TRPS1: variants seen among roughly 807,000 people sequenced by gnomAD.
The protein encoded by TRPS1 is zinc finger transcription factor Trps1.
In TRPS1, 6 loss-of-function variants were observed where a neutral mutation model predicts 101.2. The observed-to-expected ratio is 0.06, with a 90% CI of 0.03 to 0.12. TRPS1 has a LOEUF of 0.12. TRPS1 is among the 10% of genes least tolerant of loss of function. The pLI is 1.00. For missense variants in TRPS1, 1,363 were observed against 1,567.0 expected, an observed-to-expected ratio of 0.87 and a Z score of 2.20; for synonymous variants, 578 against 589.8, an observed-to-expected ratio of 0.98 and a Z score of 0.29.
intron 5 of TRPS1, among the ~76,000 whole-genome samples, chr8:115,420,188 T>C (rs889675928): frequency 2.6e-5 from 4 of 152,188 alleles, no homozygotes; most frequent in South Asian, 4.1e-4. Context: ...GAATGTATCA[T>C]GAGTTTCTAA....
intron 5 of TRPS1, among the ~76,000 whole-genome samples, chr8:115,442,603 T>C (rs1181840928): frequency 1.4e-5 from 2 of 139,070 alleles, no homozygotes; most frequent in Non-Finnish European, 3.2e-5. Flanking sequence ...ATGTGTGTGT[T>C]TGGGGGAAGG....
chr8:115,596,375 A>C (rs1817784770), intron 4 of TRPS1, among the ~76,000 whole-genome samples: 1 of 151,904 alleles, frequency 6.6e-6, no homozygotes, highest in Admixed American at 6.6e-5. Context: ...GGCAATGATG[A>C]GAATTGATGC....
At chr8:115,523,666 C>T (rs892921394) in intron 5 of TRPS1, among the ~76,000 whole-genome samples, 1 of 152,136 alleles carries the variant, frequency 6.6e-6, no homozygotes, top group Admixed American at 6.6e-5. Context: ...TAGTCCGAGG[C>T]TTTAATATAT....
Position 115,413,747 on chromosome 8 carries a change from T to C in TRPS1, c.*276A>G, listed in dbSNP as rs1042983192. 1.0e-5 allele frequency: 4 copies of C among 399,314 alleles called. No homozygotes were observed. Among genetic ancestry groups the C allele is most frequent in the Admixed American group, 4.3e-5 (1 of 23,492 alleles). The allele number at this position is 399,314 out of a possible 1,614,324, so 24.7% of individuals were successfully genotyped here. On this transcript the variant is annotated 3_prime_UTR_variant, in exon 7 of 7. Coordinates refer to ENST00000395715, the MANE Select transcript of TRPS1 (RefSeq NM_014112.5). ...TCTGGTGATATCTCTTATGGATTAT[T>C]TCCCCAGTACATATTAGCCAAGATG...
At chr8:115,498,421 A>C (rs4027186) in intron 5 of TRPS1, among the ~76,000 whole-genome samples, 9,405 of 47,522 alleles carry the variant, frequency 0.2, 425 homozygotes, top group East Asian at 0.22. Context: ...CTCTCTATAT[A>C]TATATATATA....
At chr8:115,433,858 A>G (rs1813383447) in intron 5 of TRPS1, among the ~76,000 whole-genome samples, 1 of 152,282 alleles carries the variant, frequency 6.6e-6, no homozygotes, top group East Asian at 1.9e-4. Flanking sequence ...TGCCGGGGAA[A>G]AATCAGACAA....
intron 1 of TRPS1, among the ~76,000 whole-genome samples, chr8:115,660,351 C>T (rs1011946919): frequency 2.0e-5 from 3 of 151,930 alleles, no homozygotes; most frequent in South Asian, 4.1e-4. Flanking sequence ...TCTTTTTCTA[C>T]AGCTAAGGTA....
rs372515038 is a variant in TRPS1, at chr8:115,430,001, A to G, written c.2701-11549T>C. On this transcript the variant is annotated intron_variant, in intron 5 of 6. Transcript: ENST00000395715. ...TTAAAGATATTTTGAAAAAGGATTCATAGTGTAGCTGAAATTTAAAACACA... is the reference window on the plus strand; with the variant it reads ...TTAAAGATATTTTGAAAAAGGATTCGTAGTGTAGCTGAAATTTAAAACACA... 1.7e-3 allele frequency among the ~76,000 whole-genome samples: 252 copies of G among 152,330 alleles called. 4 individuals carry two copies. The highest frequency in any genetic ancestry group is 5.9e-3 in the African/African-American group (244 of 41,580).
At chr8:115,658,151 T>C (rs1811716383) in intron 1 of TRPS1, among the ~76,000 whole-genome samples, 1 of 152,220 alleles carries the variant, frequency 6.6e-6, no homozygotes, top group African/African-American at 2.4e-5. Context: ...CTGCCCATGA[T>C]CTCTGCTTAC....
intron 5 of TRPS1, among the ~76,000 whole-genome samples, chr8:115,561,990 A>C (rs1278032078): frequency 6.6e-6 from 1 of 152,090 alleles, no homozygotes; most frequent in Non-Finnish European, 1.5e-5. Flanking sequence ...TGATGAACGA[A>C]GAATTACGTT....
intron 5 of TRPS1, among the ~76,000 whole-genome samples, chr8:115,516,706 G>A (rs1815720208): frequency 6.6e-6 from 1 of 151,490 alleles, no homozygotes; most frequent in South Asian, 2.1e-4. Flanking sequence ...TTAGAAGTAG[G>A]CAAGGTAGTA....
chr8:115,586,973 G>T (rs766475665), intron 5 of TRPS1, 28 bp downstream of exon 5: 2 of 1,613,436 alleles, frequency 1.2e-6, no homozygotes, highest in South Asian at 1.1e-5. Flanking sequence ...CAAAACAAAT[G>T]AATTATTTAA....
chr8:115,434,547 T>C (rs1020763372), intron 5 of TRPS1, among the ~76,000 whole-genome samples: 1 of 152,210 alleles, frequency 6.6e-6, no homozygotes, highest in Non-Finnish European at 1.5e-5. Context: ...TTAAAATCAA[T>C]ATTCAGAAAA....
intron 5 of TRPS1, among the ~76,000 whole-genome samples, chr8:115,420,470 G>A (rs151130794): frequency 6.6e-6 from 1 of 152,296 alleles, no homozygotes; most frequent in East Asian, 1.9e-4. Flanking sequence ...CAAGGGCAAT[G>A]TAAATGTCCA....
chr8:115,590,654 C>T (rs1817660143), intron 4 of TRPS1, among the ~76,000 whole-genome samples: 1 of 152,144 alleles, frequency 6.6e-6, no homozygotes, highest in Non-Finnish European at 1.5e-5. Flanking sequence ...AGCGTGTAGA[C>T]TCTTAAGGAG....
intron 1 of TRPS1, among the ~76,000 whole-genome samples, chr8:115,658,201 A>G (rs7828416): frequency 0.15 from 22,890 of 152,000 alleles, 5,385 homozygotes; most frequent in African/African-American, 0.5. Flanking sequence ...AAAAGGAAGA[A>G]ATCTAGTTGT....
intron 5 of TRPS1, among the ~76,000 whole-genome samples, chr8:115,491,599 G>A (rs1281008216): frequency 5.3e-5 from 8 of 151,892 alleles, no homozygotes; most frequent in Admixed American, 5.3e-4. Flanking sequence ...AGGATGCAGT[G>A]AGCCATGAGC....
chr8:115,496,826 T>C (rs1254966501), intron 5 of TRPS1, among the ~76,000 whole-genome samples: 6 of 152,244 alleles, frequency 3.9e-5, no homozygotes. Context: ...AGCAGTTTTC[T>C]ACATTTGTAT....
chr8:115,478,613 G>A lies in TRPS1; in HGVS notation c.2701-60161C>T, dbSNP rs535525741. On this transcript the variant is annotated intron_variant, in intron 5 of 6. Transcript: ENST00000395715. ...GAGGTCAGGAGTTTGAGACCAGCCCGGCCAACATGGTGAAACCCCATCTGT... is the reference window on the plus strand; with the variant it reads ...GAGGTCAGGAGTTTGAGACCAGCCCAGCCAACATGGTGAAACCCCATCTGT... Among the ~76,000 whole-genome samples the A allele has an allele frequency of 1.3e-4, 20 of 151,998 alleles. No individual in the cohort carries two copies. In the South Asian group the frequency reaches 3.1e-3, roughly 24 times the overall value.
Sources: gnomAD v4.1 joint callset for allele counts (sites outside exome capture counted in the v4.1 genomes callset) on GRCh38, gnomAD v4.1.1 for gene constraint, MANE v1.5 for transcripts, NCBI Gene and HGNC (gene_info 2026-07-23, HGNC 2026-07-21) for gene names.